Variants in FNIP2 observed in about 807,000 individuals in gnomAD.
FNIP2 encodes the protein folliculin-interacting protein 2.
A neutral mutation model predicts 108.7 loss-of-function variants in FNIP2; 32 were observed. That is an observed-to-expected ratio of 0.29 (90% CI 0.22 to 0.40). The LOEUF is 0.40. FNIP2 is among the 10% of genes least tolerant of loss of function. FNIP2 has a pLI of 1.00. For synonymous variants in FNIP2, 480 were observed against 496.7 expected (o/e 0.97, Z 0.45); for missense variants, 1,202 against 1,381.6 (o/e 0.87, Z 2.06).
intron 1 of FNIP2, among the ~76,000 whole-genome samples, chr4:158,777,691 C>G (rs1775904467): frequency 6.6e-6 from 1 of 152,212 alleles, no homozygotes. Context: ...CTGGTAGCCA[C>G]TTGGTGCTGA....
intron 1 of FNIP2, among the ~76,000 whole-genome samples, chr4:158,815,668 A>C (rs1239464197): frequency 2.0e-5 from 3 of 152,114 alleles, no homozygotes. Flanking sequence ...CCGGCCCAGT[A>C]ATCCAGCTTT....
At chr4:158,849,938 A>G (rs1034409879) in intron 7 of FNIP2, among the ~76,000 whole-genome samples, 1 of 152,218 alleles carries the variant, frequency 6.6e-6, no homozygotes, top group Admixed American at 6.5e-5. Context: ...TCAGCTAGAT[A>G]AAAGGAAAAG....
At chr4:158,825,059 G>A (rs185451964) in intron 1 of FNIP2, among the ~76,000 whole-genome samples, 34 of 152,120 alleles carry the variant, frequency 2.2e-4, no homozygotes, top group Non-Finnish European at 3.5e-4. Flanking sequence ...ACTCCATAAG[G>A]GTGGGGACCA....
chr4:158,895,020 G>A (rs1782550762), intron 15 of FNIP2, among the ~76,000 whole-genome samples: 1 of 152,180 alleles, frequency 6.6e-6, no homozygotes, highest in Non-Finnish European at 1.5e-5. Context: ...GTGTCTTACT[G>A]AAGATGCTCG....
At chr4:158,904,014 G>GT (rs1489575058) in intron 16 of FNIP2, among the ~76,000 whole-genome samples, 7 of 152,140 alleles carry the variant, frequency 4.6e-5, no homozygotes, top group African/African-American at 1.4e-4. Flanking sequence ...AATTCCCAAT[G>GT]TTTTTTAAGA....
intron 1 of FNIP2, among the ~76,000 whole-genome samples, chr4:158,782,035 A>T (rs1261673478): frequency 2.6e-5 from 4 of 151,972 alleles, no homozygotes; most frequent in African/African-American, 9.7e-5. Flanking sequence ...GACTCTTATA[A>T]CTCTCAGAGA....
intron 16 of FNIP2, among the ~76,000 whole-genome samples, chr4:158,896,503 G>A (rs867457490): frequency 3.4e-3 from 516 of 152,250 alleles, no homozygotes; most frequent in Middle Eastern, 0.02. Context: ...TACATTTGGG[G>A]AACTGCCCCC....
At chr4:158,899,470 C>T (rs2126796138) in intron 16 of FNIP2, among the ~76,000 whole-genome samples, 1 of 152,270 alleles carries the variant, frequency 6.6e-6, no homozygotes, top group Middle Eastern at 3.4e-3. Flanking sequence ...GCTGTGAATC[C>T]ATCTGGTCCT....
intron 14 of FNIP2, 95 bp downstream of exon 14, chr4:158,870,564 A>G (rs974407491): frequency 1.1e-5 from 16 of 1,452,024 alleles, no homozygotes; most frequent in Non-Finnish European, 1.5e-5. Context: ...GAGACTAGTT[A>G]AGGGGTTGTT....
rs894221953 is a variant in FNIP2, at chr4:158,898,818, C to T, written c.3266+2953C>T. On this transcript the variant is annotated intron_variant, in intron 16 of 16. Coordinates refer to ENST00000264433, the MANE Select transcript of FNIP2 (RefSeq NM_020840.3). ...GACTTCCTCTCTTCCTATTTGAATA[C>T]GCTTTATTTCTTTCTCTTGCATGAT... Among the ~76,000 whole-genome samples, 15 of 152,270 alleles carry T rather than the reference C, an allele frequency of 9.9e-5. No individual in the cohort carries two copies. The East Asian group carries it at 1.7e-3, about 18-fold the overall frequency.
chr4:158,900,533 A>T (rs1199828027), intron 16 of FNIP2, among the ~76,000 whole-genome samples: 1 of 152,170 alleles, frequency 6.6e-6, no homozygotes, highest in South Asian at 2.1e-4. Flanking sequence ...TATTGGTTGC[A>T]TGTAGATTTA....
At chr4:158,877,979 A>C (rs1781377919) in intron 14 of FNIP2, among the ~76,000 whole-genome samples, 3 of 152,032 alleles carry the variant, frequency 2.0e-5, no homozygotes, top group African/African-American at 7.2e-5. Flanking sequence ...GCCAAAAAAA[A>C]GATCTGAGGT....
chr4:158,843,414 G>A (rs539338436), intron 7 of FNIP2, among the ~76,000 whole-genome samples: 6 of 152,288 alleles, frequency 3.9e-5, no homozygotes, highest in East Asian at 3.9e-4. Flanking sequence ...ATCCAGCAGC[G>A]TTTCTTGAGC....
intron 2 of FNIP2, among the ~76,000 whole-genome samples, chr4:158,826,728 A>G (rs1250163794): frequency 2.0e-5 from 3 of 152,180 alleles, no homozygotes; most frequent in African/African-American, 7.2e-5. Context: ...AACATGTTTA[A>G]GGTGAGGAGA....
intron 16 of FNIP2, among the ~76,000 whole-genome samples, chr4:158,901,419 A>T (rs1729253723): frequency 6.6e-6 from 1 of 151,522 alleles, no homozygotes; most frequent in Non-Finnish European, 1.5e-5. Context: ...TGCCCTTAAC[A>T]TTTTTTTCCT....
At chr4:158,785,085 C>CTTT (rs1182497250) in intron 1 of FNIP2, among the ~76,000 whole-genome samples, 1 of 96,202 alleles carries the variant, frequency 1.0e-5, no homozygotes, top group Non-Finnish European at 2.2e-5. Context: ...TATAAAGTTC[C>CTTT]TCTTTTTTTT....
At chr4:158,834,325 T>TCTCC (rs1553959314) in intron 6 of FNIP2, 1 of 149,802 alleles carries the variant, frequency 6.7e-6, no homozygotes, top group African/African-American at 2.5e-5. Flanking sequence ...TCTCTCTCTC[T>TCTCC]CTCTCCCTCT....
intron 14 of FNIP2, among the ~76,000 whole-genome samples, chr4:158,883,536 C>G (rs1170147525): frequency 6.6e-6 from 1 of 152,204 alleles, no homozygotes; most frequent in Non-Finnish European, 1.5e-5. Flanking sequence ...CCATCGCGCC[C>G]AGCCTCCCTT....
intron 14 of FNIP2, among the ~76,000 whole-genome samples, chr4:158,873,367 GTTTTGTTTTTGT>G (rs983460160): frequency 5.3e-5 from 8 of 151,496 alleles, no homozygotes; most frequent in African/African-American, 9.7e-5. Context: ...TTTTTGTTTT[GTTTTGTTTTTGT>G]TTTTGTTTTT....
Sources: allele counts gnomAD v4.1 joint callset (sites outside exome capture counted in the v4.1 genomes callset), GRCh38; gene constraint gnomAD v4.1.1; transcripts MANE v1.5; gene names NCBI Gene and HGNC (gene_info 2026-07-23, HGNC 2026-07-21).